CAMKK1: variants seen among roughly 807,000 people sequenced by gnomAD.
CAMKK1 encodes calcium/calmodulin-dependent protein kinase kinase 1.
A neutral mutation model predicts 63.5 loss-of-function variants in CAMKK1; 20 were observed. The ratio of observed to expected loss-of-function variants is 0.32; its 90% CI spans 0.22 to 0.46. CAMKK1 has a LOEUF of 0.46. Among genes scored for constraint, CAMKK1 ranks in the 20% least tolerant of loss-of-function variants. The pLI is 1.00. For synonymous variants in CAMKK1, 253 were observed against 269.0 expected, an observed-to-expected ratio of 0.94 and a Z score of 0.58; for missense variants, 588 against 658.1, an observed-to-expected ratio of 0.89 and a Z score of 1.17.
chr17:3,883,156 C>T lies in CAMKK1; in HGVS notation c.534G>A (p.Gly178=). The stretch of plus-strand genomic sequence containing the variant: ...CTGGTCCTCCCTGGGCAGCCTGGGA[C>T]CCTCTCGGGGGAGGGCGACCTGTGA... ...YGFPRRPPPR[G]SQAAQGGPAK... The change falls in exon 6 of 16, where the codon GGG becomes GGA. Residue 178 remains glycine (G), a synonymous_variant. Transcript: ENST00000348335. This position sits in a 1 kb window ranked among gnomAD's most constrained non-coding sequence, Gnocchi z 4.7. 6.2e-7 allele frequency: 1 copy of T among 1,611,794 alleles called. No homozygotes were observed. Among genetic ancestry groups the T allele is most frequent in the East Asian group, 2.2e-5 (1 of 44,876 alleles).
Position 3,882,239 on chromosome 17 carries a change from C to G in CAMKK1, c.685+289G>C. ...CTACAGTGTCTGGGAACCCATGCAG[C>G]CTGCTTCCTGCATCTACCTGAGCGC... is the stretch of plus-strand genomic sequence containing the variant. On this transcript the variant is annotated intron_variant, in intron 7 of 15. Coordinates refer to ENST00000348335, the MANE Select transcript of CAMKK1 (RefSeq NM_032294.3). The surrounding 1 kb of genome is among the most constrained non-coding windows in gnomAD (Gnocchi z 4.3). 1 of 1,572,430 alleles carries G rather than the reference C, an allele frequency of 6.4e-7. No individual in the cohort carries two copies. The highest frequency in any genetic ancestry group is 8.7e-7 in the Non-Finnish European group (1 of 1,147,428).
chr17:3,888,591 C>T (rs1022520885), intron 1 of CAMKK1, among the ~76,000 whole-genome samples: 12 of 152,242 alleles, frequency 7.9e-5, no homozygotes, highest in Non-Finnish European at 1.5e-5. Context: ...CAGAACAGTG[C>T]CTGCCACTAA....
intron 9 of CAMKK1, 28 bp from the exon 10 acceptor site, chr17:3,876,450 C>T (rs1567624860): frequency 4.4e-6 from 7 of 1,603,626 alleles, no homozygotes; most frequent in Non-Finnish European, 5.1e-6. Context: ...TTGAGCTGAG[C>T]GCTGGCCTGG....
intron 14 of CAMKK1, among the ~76,000 whole-genome samples, chr17:3,867,424 A>G (rs2054575603): frequency 6.6e-6 from 1 of 152,224 alleles, no homozygotes; most frequent in Non-Finnish European, 1.5e-5. Context: ...GGGACACAGC[A>G]GCCCGAGTGA....
chr17:3,866,443 T>C (rs1039049943), intron 14 of CAMKK1, among the ~76,000 whole-genome samples: 1 of 152,212 alleles, frequency 6.6e-6, no homozygotes, highest in African/African-American at 2.4e-5. Flanking sequence ...CCGCAGCCGG[T>C]GGCCCAGTCA....
chr17:3,868,956 CTTTCT>C (rs1298994816), intron 14 of CAMKK1, among the ~76,000 whole-genome samples: 186 of 147,324 alleles, frequency 1.3e-3, no homozygotes, highest in African/African-American at 3.4e-3. Flanking sequence ...CCCGGTATTT[CTTTCT>C]TTTCTTTTCT....
Position 3,884,386 on chromosome 17 carries a change from A to G in CAMKK1, c.402T>C (p.Ile134=), listed in dbSNP as rs1374178692. 1.9e-6 allele frequency: 3 copies of G among 1,613,888 alleles called. No individual in the cohort carries two copies. The highest frequency in any genetic ancestry group is 2.5e-6 in the Non-Finnish European group (3 of 1,179,914). ...QLNQYKLQSE[I]GKGAYGVVRL... ...TCGGCCTGCCCACTCCTACCTTGCCAATCTCACTCTGCAGCTTGTACTGGT... is the reference window on the plus strand; with the variant it reads ...TCGGCCTGCCCACTCCTACCTTGCCGATCTCACTCTGCAGCTTGTACTGGT... Residue 134 remains isoleucine, a synonymous_variant, in exon 3 of 16, where the codon ATT becomes ATC. Coordinates refer to ENST00000348335, the MANE Select transcript of CAMKK1 (RefSeq NM_032294.3). This position sits in a 1 kb window ranked among gnomAD's most constrained non-coding sequence, Gnocchi z 4.5.
In CAMKK1 at chr17:3,885,485, A is replaced by C; in HGVS notation, c.203T>G (p.Leu68Arg). 6.2e-7 allele frequency: 1 copy of C among 1,612,986 alleles called. No homozygotes were observed. Among genetic ancestry groups the C allele is most frequent in the Non-Finnish European group, 8.5e-7 (1 of 1,179,818 alleles). The change falls in exon 2 of 16, where the codon CTC becomes CGC. Residue 68 changes from leucine (L) to arginine (R), a missense_variant. Leu to Arg is a moderately radical substitution (Grantham distance 102). Transcript: ENST00000348335. The stretch of plus-strand genomic sequence containing the variant: ...CTGTAGGGAAAGCTTCCTGGCTGAG[A>C]GGCTAGGCCGGGCTGGGAGCAGTCT... Reference protein sequence around the residue: ...TSRLLPARPSLSARKLSLQER... With the variant: ...TSRLLPARPSRSARKLSLQER...
chr17:3,881,464 C>T (rs1440055863), intron 8 of CAMKK1, among the ~76,000 whole-genome samples, 163 bp downstream of exon 8: 1 of 152,186 alleles, frequency 6.6e-6, no homozygotes, highest in Non-Finnish European at 1.5e-5. Flanking sequence ...CCCCCATCAG[C>T]CTTCAAAGAA....
chr17:3,876,093 A>G, intron 10 of CAMKK1, 130 bp downstream of exon 10: 1 of 862,384 alleles, frequency 1.2e-6, no homozygotes, highest in Non-Finnish European at 1.7e-6. Flanking sequence ...GTCAGGCTCC[A>G]AGGAAGAGGC....
At chr17:3,874,364 G>A (rs1038689518) in intron 10 of CAMKK1, among the ~76,000 whole-genome samples, 6 of 152,274 alleles carry the variant, frequency 3.9e-5, no homozygotes, top group Non-Finnish European at 1.5e-5. Context: ...AATAAGGTCT[G>A]TGGATTATGT....
Position 3,883,074 on chromosome 17 carries a change from G to C in CAMKK1, c.616C>G (p.Leu206Val). 2 of 1,613,972 alleles carry C rather than the reference G, an allele frequency of 1.2e-6. No homozygotes were observed. The highest frequency in any genetic ancestry group is 8.5e-7 in the Non-Finnish European group (1 of 1,179,988). Residue 206 changes from leucine (L) to valine (V), a missense_variant, in exon 6 of 16, where the codon CTG (leucine) becomes GTG (valine). Around this residue, in one of 3 missense-constraint regions of CAMKK1, gnomAD observed 357 missense variants for 407.4 expected, o/e 0.88. Coordinates refer to ENST00000348335, the MANE Select transcript of CAMKK1 (RefSeq NM_032294.3). This position sits in a 1 kb window ranked among gnomAD's most constrained non-coding sequence, Gnocchi z 4.7. ...VYQEIAILKK[L>V]DHVNVVKLIE... ...AGTTTGACCACATTCACGTGGTCCA[G>C]CTTCTTCAGGATGGCAATCTCCTGG... is the stretch of plus-strand genomic sequence containing the variant.
Position 3,884,410 on chromosome 17 carries a change from G to C in CAMKK1, c.378C>G (p.Asn126Lys). ...ISDAEDCVQL[N>K]QYKLQSEIGK... Reference sequence around the variant, plus strand: ...CAATCTCACTCTGCAGCTTGTACTGGTTCAGCTGCACGCAGTCCTGTGGGG... The same window carrying C: ...CAATCTCACTCTGCAGCTTGTACTGCTTCAGCTGCACGCAGTCCTGTGGGG... The change falls in exon 3 of 16, where the codon AAC becomes AAG. Residue 126 changes from asparagine (N) to lysine (K), a missense_variant. By Grantham distance (94) the Asn-to-Lys change is moderately conservative. Transcript: ENST00000348335. The surrounding 1 kb of genome is among the most constrained non-coding windows in gnomAD (Gnocchi z 4.5). 1 of 1,613,800 alleles carries C rather than the reference G, an allele frequency of 6.2e-7. No homozygotes were observed. Among genetic ancestry groups the C allele is most frequent in the African/African-American group, 1.3e-5 (1 of 75,030 alleles).
intron 9 of CAMKK1, among the ~76,000 whole-genome samples, chr17:3,878,636 C>A (rs1363268641): frequency 6.6e-6 from 1 of 152,100 alleles, no homozygotes; most frequent in Non-Finnish European, 1.5e-5. Flanking sequence ...GAGTCTTAAT[C>A]TGAAGGCAAA....
Position 3,889,805 on chromosome 17 carries a change from C to T in CAMKK1, c.-44+3134G>A, listed in dbSNP as rs1167287389. On this transcript the variant is annotated intron_variant, in intron 1 of 15. Transcript: ENST00000348335. The surrounding 1 kb of genome is among the most constrained non-coding windows in gnomAD (Gnocchi z 5.2). ...AATGTGGGCCCCCGGCTCCAGACGC[C>T]CACTTGGCCTGGCTTCTTCCACAGG... Among the ~76,000 whole-genome samples, 1 of 152,202 alleles carries T rather than the reference C, an allele frequency of 6.6e-6. No homozygotes were observed. Among genetic ancestry groups the T allele is most frequent in the Non-Finnish European group, 1.5e-5 (1 of 68,020 alleles).
At chr17:3,873,561 T>G in intron 10 of CAMKK1, 99 bp from the exon 11 acceptor site, 3 of 1,147,696 alleles carry the variant, frequency 2.6e-6, no homozygotes, top group Non-Finnish European at 3.9e-6. Flanking sequence ...GGAACCTCTT[T>G]CCTCTGTCAT....
chr17:3,890,021 G>A lies in CAMKK1; in HGVS notation c.-44+2918C>T, dbSNP rs1174342308. Among the ~76,000 whole-genome samples, 2 of 152,234 alleles carry A rather than the reference G, an allele frequency of 1.3e-5. No homozygotes were observed. The highest frequency in any genetic ancestry group is 2.9e-5 in the Non-Finnish European group (2 of 68,036). On this transcript the variant is annotated intron_variant, in intron 1 of 15. Transcript: ENST00000348335. The surrounding 1 kb of genome is among the most constrained non-coding windows in gnomAD (Gnocchi z 6.5). Reference sequence around the variant, plus strand: ...GGGGACCAGCTACATCCAGGCGAGGGGATGGACAGCCGTGACCAGCAGAGG... The same window carrying A: ...GGGGACCAGCTACATCCAGGCGAGGAGATGGACAGCCGTGACCAGCAGAGG...
chr17:3,864,774 T>G (rs1305860638), intron 15 of CAMKK1, among the ~76,000 whole-genome samples: 1 of 152,030 alleles, frequency 6.6e-6, no homozygotes, highest in East Asian at 1.9e-4. Flanking sequence ...GCCCCCCACC[T>G]CATTATGAGG....
chr17:3,872,424 C>T, intron 12 of CAMKK1, 130 bp downstream of exon 12: 1 of 730,718 alleles, frequency 1.4e-6, no homozygotes, highest in Non-Finnish European at 2.4e-6. Flanking sequence ...AGGGGTCCCT[C>T]CCAGGGAACA....
Sources: allele counts gnomAD v4.1 joint callset (sites outside exome capture counted in the v4.1 genomes callset), GRCh38; gene constraint gnomAD v4.1.1; regional missense constraint gnomAD v4.1.1; non-coding constraint Gnocchi (gnomAD v3.1); transcripts MANE v1.5; gene names NCBI Gene and HGNC (gene_info 2026-07-23, HGNC 2026-07-21).